BCR: variants seen among roughly 807,000 people sequenced by gnomAD.
BCR encodes the protein BCR activator of RhoGEF and GTPase.
BCR carries 58 observed loss-of-function variants against 138.6 expected under a neutral mutation model. The observed-to-expected ratio is 0.42, with a 90% CI of 0.34 to 0.52. The LOEUF is 0.52. BCR is among the 20% of genes least tolerant of loss of function. The probability of loss-of-function intolerance (pLI) is 0.06; values close to 1 mark genes in which losing one functional copy is unlikely to be tolerated. For missense variants in BCR, 1,599 were observed against 1,727.2 expected (o/e 0.93, Z 1.32); for synonymous variants, 786 against 730.1 (o/e 1.08, Z -1.23).
intron 1 of BCR, among the ~76,000 whole-genome samples, chr22:23,222,486 G>A (rs983349324): frequency 4.6e-5 from 7 of 152,250 alleles, no homozygotes; most frequent in African/African-American, 1.7e-4. Flanking sequence ...TAAGTGCTGA[G>A]AAAGTTCAGA....
At chr22:23,313,455 C>T (rs1357107201) in intron 20 of BCR, among the ~76,000 whole-genome samples, 1 of 152,222 alleles carries the variant, frequency 6.6e-6, no homozygotes, top group Non-Finnish European at 1.5e-5. Flanking sequence ...GTGGCCTCTG[C>T]ATCACCCTTA....
intron 15 of BCR, among the ~76,000 whole-genome samples, chr22:23,292,910 CT>C (rs2073804642): frequency 6.6e-6 from 1 of 152,320 alleles, no homozygotes; most frequent in East Asian, 1.9e-4. Context: ...GGCTTTTTGT[CT>C]GCCTTTGTTA....
At chr22:23,212,943 A>G (rs2072703728) in intron 1 of BCR, among the ~76,000 whole-genome samples, 1 of 152,198 alleles carries the variant, frequency 6.6e-6, no homozygotes. Flanking sequence ...GAGGGACGGC[A>G]GCTTTAACTT....
intron 1 of BCR, among the ~76,000 whole-genome samples, chr22:23,204,557 A>G (rs1248363187): frequency 6.6e-6 from 1 of 152,196 alleles, no homozygotes; most frequent in Admixed American, 6.5e-5. Flanking sequence ...GCCTTCCTGT[A>G]GGATCCTGGT....
At chr22:23,227,892 C>T (rs750037446) in intron 1 of BCR, among the ~76,000 whole-genome samples, 3 of 152,150 alleles carry the variant, frequency 2.0e-5, no homozygotes, top group Non-Finnish European at 4.4e-5. Context: ...GGCTCTTTTT[C>T]CTGCAGGCCT....
chr22:23,302,760 C>G (rs188688335), intron 16 of BCR: 1 of 152,282 alleles, frequency 6.6e-6, no homozygotes, highest in Non-Finnish European at 1.5e-5. Flanking sequence ...ACAAGCCCCC[C>G]AGCTGGGAGC....
intron 2 of BCR, among the ~76,000 whole-genome samples, chr22:23,255,179 C>T (rs1245670296): frequency 3.9e-5 from 6 of 152,176 alleles, no homozygotes; most frequent in Admixed American, 3.3e-4. Context: ...CTGCTGCTTA[C>T]GTATATACTT....
intron 5 of BCR, among the ~76,000 whole-genome samples, chr22:23,269,475 C>T (rs2073484283): frequency 1.3e-5 from 2 of 152,224 alleles, no homozygotes; most frequent in African/African-American, 4.8e-5. Flanking sequence ...CTGGGACACC[C>T]TCAGCTGTCA....
At chr22:23,292,237 A>G (rs2073796148) in intron 14 of BCR, among the ~76,000 whole-genome samples, 1 of 152,140 alleles carries the variant, frequency 6.6e-6, no homozygotes, top group Non-Finnish European at 1.5e-5. Context: ...CCACCAGTGC[A>G]GGGCCCTTCT....
rs1322483141 is a variant in BCR at position 23,182,118 on chromosome 22, G to A, written c.1158G>A (p.Pro386=). 2 of 1,611,952 alleles carry A rather than the reference G, an allele frequency of 1.2e-6. No individual in the cohort carries two copies. ...QSFDSSSPPT[P]QCHKRHRHCP... is the part of the protein sequence containing the mutation. The stretch of plus-strand genomic sequence containing the variant: ...TCGACAGCAGCAGTCCCCCCACGCC[G>A]CAGTGCCATAAGCGGCACCGGCACT... The change falls in exon 1 of 23, where the codon CCG becomes CCA. Residue 386 remains proline (P), a synonymous_variant. Coordinates refer to ENST00000305877, the MANE Select transcript of BCR (RefSeq NM_004327.4).
In BCR at chr22:23,289,307, C is replaced by G. The variant is rs139864719; in HGVS notation, c.2603-210C>G. On this transcript the variant is annotated intron_variant, in intron 12 of 22. Transcript: ENST00000305877. ...TTGTAAGTCTCATGCTAAGACTCCT[C>G]CAGGCCTGGGCTCTCCAGGGCCACA... Among the ~76,000 whole-genome samples the G allele has an allele frequency of 1.7e-3, 254 of 152,342 alleles. 1 individual carries two copies. Among genetic ancestry groups the G allele is most frequent in the African/African-American group, 5.6e-3 (234 of 41,584 alleles).
intron 4 of BCR, chr22:23,262,631 C>T (rs946921444): frequency 3.1e-5 from 9 of 295,002 alleles, no homozygotes; most frequent in East Asian, 1.7e-4. Context: ...GGCTCCGCGT[C>T]GGGCTGCCCC....
intron 1 of BCR, among the ~76,000 whole-genome samples, chr22:23,195,872 G>C (rs1448786753): frequency 6.6e-6 from 1 of 152,194 alleles, no homozygotes; most frequent in Non-Finnish European, 1.5e-5. Flanking sequence ...TGGGCAACAA[G>C]AGTGAAACTC....
At chr22:23,239,960 C>T (rs1428708600) in intron 1 of BCR, among the ~76,000 whole-genome samples, 1 of 152,106 alleles carries the variant, frequency 6.6e-6, no homozygotes, top group Non-Finnish European at 1.5e-5. Context: ...CTGAAAACTA[C>T]ACTTGACCAC....
chr22:23,312,095 C>G (rs1213805170), intron 19 of BCR, among the ~76,000 whole-genome samples: 6 of 152,186 alleles, frequency 3.9e-5, no homozygotes, highest in Admixed American at 2.0e-4. Context: ...GCCTTCCTGC[C>G]TTGGGGTTGG....
At chr22:23,195,824 G>A (rs960098370) in intron 1 of BCR, among the ~76,000 whole-genome samples, 4 of 152,200 alleles carry the variant, frequency 2.6e-5, no homozygotes, top group African/African-American at 9.7e-5. Context: ...GGAGGCGGAG[G>A]TTGCAGTGAA....
At chr22:23,224,775 G>A (rs1026726335) in intron 1 of BCR, among the ~76,000 whole-genome samples, 5 of 152,100 alleles carry the variant, frequency 3.3e-5, no homozygotes, top group Admixed American at 1.3e-4. Flanking sequence ...CCAGCTACTT[G>A]GGAGGCTGAG....
intron 6 of BCR, among the ~76,000 whole-genome samples, chr22:23,272,659 G>T (rs529242315): frequency 6.6e-6 from 1 of 152,248 alleles, no homozygotes; most frequent in African/African-American, 2.4e-5. Context: ...AGAGTCAGGT[G>T]TCTGAAATGT....
chr22:23,287,350 G>T, intron 11 of BCR, 72 bp downstream of exon 11: 1 of 1,463,822 alleles, frequency 6.8e-7, no homozygotes, highest in South Asian at 1.4e-5. Flanking sequence ...TAATGGCAGT[G>T]CGTTTTCACT....
Sources: allele counts gnomAD v4.1 joint callset (sites outside exome capture counted in the v4.1 genomes callset), GRCh38; gene constraint gnomAD v4.1.1; transcripts MANE v1.5; gene names NCBI Gene and HGNC (gene_info 2026-07-23, HGNC 2026-07-21).